The following ABI3BP variants were observed in gnomAD, a reference collection of about 807,000 sequenced individuals.
ABI3BP encodes the protein ABI family member 3 binding protein, also known as target of Nesh-SH3.
Under a neutral mutation model 268.6 loss-of-function variants are expected in ABI3BP, and 216 were observed. That is an observed-to-expected ratio of 0.80 (90% confidence interval 0.72 to 0.90). The LOEUF (loss-of-function observed/expected upper bound fraction) is 0.90. Among genes scored for constraint, ABI3BP ranks in the 40% least tolerant of loss-of-function variants. The probability of loss-of-function intolerance (pLI) is 0.00; values close to 1 mark genes in which losing one functional copy is unlikely to be tolerated. For synonymous variants in ABI3BP, 730 were observed against 730.0 expected (o/e 1.00, Z 0.00); for missense variants, 2,090 against 2,182.4 (o/e 0.96, Z 0.84).
At chr3:100,758,996 C>A (rs1260894103) in intron 63 of ABI3BP, among the ~76,000 whole-genome samples, 1 of 152,136 alleles carries the variant, frequency 6.6e-6, no homozygotes, top group Non-Finnish European at 1.5e-5. Context: ...TTTCTATAAT[C>A]TTTTCCTTCT....
intron 51 of ABI3BP, among the ~76,000 whole-genome samples, chr3:100,797,562 G>GTTTTTT (rs575648416): frequency 3.9e-5 from 5 of 129,652 alleles, no homozygotes; most frequent in Non-Finnish European, 3.4e-5. Context: ...TGAAGAAACT[G>GTTTTTT]TTTTTTTTTT....
In ABI3BP at chr3:100,804,823, T is replaced by G; in HGVS notation, c.3726A>C (p.Ser1242=). The G allele has an allele frequency of 3.1e-6, 5 of 1,613,164 alleles. No homozygotes were observed. The highest frequency in any genetic ancestry group is 4.2e-6 in the Non-Finnish European group (5 of 1,179,246). The change falls in exon 51 of 68, where the codon TCA becomes TCC. Residue 1242 remains serine (S), a synonymous_variant. Coordinates refer to ENST00000471714, the MANE Select transcript of ABI3BP (RefSeq NM_001375547.2). The stretch of plus-strand genomic sequence containing the variant: ...TGGTGTATGACACTTCTGGACTTGG[T>G]GACGTTTTTGGTTTTGCAGTAACAC... ...PQRVTAKPKT[S]PSPEVSYTTP... is the part of the protein sequence containing the mutation.
At chr3:100,758,714 G>A (rs978264978) in intron 63 of ABI3BP, among the ~76,000 whole-genome samples, 1 of 152,148 alleles carries the variant, frequency 6.6e-6, no homozygotes, top group Non-Finnish European at 1.5e-5. Context: ...ATAATAGAGG[G>A]TATTGTTTGA....
intron 1 of ABI3BP, among the ~76,000 whole-genome samples, chr3:100,990,045 G>C (rs908714346): frequency 8.5e-5 from 13 of 152,142 alleles, no homozygotes; most frequent in African/African-American, 2.9e-4. Context: ...TGGCCATATG[G>C]GCAGACAATG....
chr3:100,936,245 T>G (rs977802713), intron 1 of ABI3BP, among the ~76,000 whole-genome samples: 1 of 152,252 alleles, frequency 6.6e-6, no homozygotes, highest in East Asian at 1.9e-4. Context: ...ATGTGGTTTT[T>G]GTCATTGGTT....
At chr3:100,903,008 TGTCC>T (rs1374345863) in intron 2 of ABI3BP, among the ~76,000 whole-genome samples, 1 of 152,184 alleles carries the variant, frequency 6.6e-6, no homozygotes, top group Non-Finnish European at 1.5e-5. Context: ...AATCAGAGTA[TGTCC>T]ATTCTGTTAC....
chr3:100,961,682 A>G (rs184362606), intron 1 of ABI3BP, among the ~76,000 whole-genome samples: 6 of 152,312 alleles, frequency 3.9e-5, no homozygotes, highest in East Asian at 3.9e-4. Context: ...AGACATTCCT[A>G]TGTAAGTCGG....
intron 1 of ABI3BP, among the ~76,000 whole-genome samples, chr3:100,939,762 AC>A (rs766376450): frequency 3.3e-5 from 5 of 152,062 alleles, no homozygotes; most frequent in Admixed American, 6.6e-5. Context: ...TTTGAGAGCA[AC>A]CGGTCTGACC....
At chr3:100,878,924 G>T (rs986520362) in intron 6 of ABI3BP, among the ~76,000 whole-genome samples, 1 of 151,986 alleles carries the variant, frequency 6.6e-6, no homozygotes, top group Non-Finnish European at 1.5e-5. Flanking sequence ...TCTATTTCTG[G>T]GGTACGATGT....
intron 62 of ABI3BP, among the ~76,000 whole-genome samples, chr3:100,768,792 T>G (rs2096431802): frequency 6.6e-6 from 1 of 152,238 alleles, no homozygotes; most frequent in African/African-American, 2.4e-5. Context: ...GTCTGGGATT[T>G]AAATCTGTGT....
rs570566256 is a variant in ABI3BP at position 100,821,818 on chromosome 3, G to A, written c.2888-705C>T. 4.6e-5 allele frequency among the ~76,000 whole-genome samples: 7 copies of A among 151,928 alleles called. No individual in the cohort carries two copies. In the East Asian group the frequency reaches 1.4e-3, roughly 30 times the overall value. ...GGGTTTCACCATCTTGGCCAGGCTG[G>A]TCTTGAACTCCTGACCTCATGATCC... On this transcript the variant is annotated intron_variant, in intron 38 of 67. Coordinates refer to ENST00000471714, the MANE Select transcript of ABI3BP (RefSeq NM_001375547.2).
intron 1 of ABI3BP, among the ~76,000 whole-genome samples, chr3:100,992,455 TA>T (rs1173091508): frequency 8.5e-5 from 13 of 152,240 alleles, no homozygotes; most frequent in Non-Finnish European, 1.5e-4. Context: ...GACTGTATGG[TA>T]AATTCCAGCC....
chr3:100,884,167 C>G (rs1440278746), intron 6 of ABI3BP, among the ~76,000 whole-genome samples: 1 of 151,716 alleles, frequency 6.6e-6, no homozygotes, highest in South Asian at 2.1e-4. Flanking sequence ...TATAGGTAAC[C>G]TTGTTAATGC....
intron 1 of ABI3BP, among the ~76,000 whole-genome samples, chr3:100,940,829 T>TATATACATATATATATATATAG (rs1244113888): frequency 2.4e-5 from 1 of 41,232 alleles, no homozygotes; most frequent in East Asian, 9.9e-4. Flanking sequence ...TATATATATA[T>TATATACATATATATATATATAG]ATGATATGAT....
chr3:100,840,887 A>G, intron 21 of ABI3BP, 29 bp from the exon 22 acceptor site: 1 of 1,521,104 alleles, frequency 6.6e-7, no homozygotes, highest in Non-Finnish European at 8.8e-7. Context: ...ATCACCAAGA[A>G]AGAATCAAGA....
chr3:100,843,887 GA>G (rs1173522198), intron 20 of ABI3BP: 7 of 984,752 alleles, frequency 7.1e-6, no homozygotes, highest in Non-Finnish European at 8.4e-6. Flanking sequence ...GCATCTTTTA[GA>G]CTTCACAAAA....
At chr3:100,790,605 G>A (rs772944751) in intron 55 of ABI3BP, among the ~76,000 whole-genome samples, 35 of 151,862 alleles carry the variant, frequency 2.3e-4, no homozygotes, top group Non-Finnish European at 4.0e-4. Context: ...CAACAACAGC[G>A]GACACACACT....
In ABI3BP at chr3:100,956,214, A is replaced by AACACACAC. The variant is rs58723365; in HGVS notation, c.80-29741_80-29734dup. 4.8e-4 allele frequency among the ~76,000 whole-genome samples: 64 copies of AACACACAC among 133,746 alleles called. 1 individual carries two copies. Among genetic ancestry groups the AACACACAC allele is most frequent in the Admixed American group, 2.0e-3 (27 of 13,266 alleles). 87.7% of individuals were successfully genotyped at this position (133,746 alleles called of 152,430 possible). A position where few individuals can be genotyped will look rare whatever the true frequency, so the allele number is the denominator to read the frequency against. On this transcript the variant is annotated intron_variant, in intron 1 of 67. Coordinates refer to ENST00000471714, the MANE Select transcript of ABI3BP (RefSeq NM_001375547.2). ...TGTCTCAAAAAAAAAAAAGAAAAACAACACACACACACACACACACACACA... is the reference window on the plus strand; with the variant it reads ...TGTCTCAAAAAAAAAAAAGAAAAACAACACACACACACACACACACACACACACACACA...
intron 1 of ABI3BP, among the ~76,000 whole-genome samples, chr3:100,982,568 G>A (rs1001758530): frequency 1.3e-5 from 2 of 151,908 alleles, no homozygotes; most frequent in African/African-American, 2.4e-5. Flanking sequence ...TCGGGCTCAC[G>A]TGGACTCCTG....
Sources: gnomAD v4.1 joint callset for allele counts (sites outside exome capture counted in the v4.1 genomes callset) on GRCh38, gnomAD v4.1.1 for gene constraint, MANE v1.5 for transcripts, NCBI Gene and HGNC (gene_info 2026-07-23, HGNC 2026-07-21) for gene names.